Variants in ARMH3 observed in about 807,000 individuals in gnomAD.
ARMH3 encodes armadillo-like helical domain-containing protein 3.
ARMH3 carries 60 observed loss-of-function variants against 99.1 expected under a neutral mutation model. That is an observed-to-expected ratio of 0.61 (90% CI 0.49 to 0.75). The LOEUF is 0.75. Ranked by LOEUF, ARMH3 falls within the 30% of genes least tolerant of loss-of-function variation. ARMH3 has a pLI of 0.00. For missense variants in ARMH3, 679 were observed against 843.1 expected, an observed-to-expected ratio of 0.81 and a Z score of 2.41; for synonymous variants, 285 against 292.8, an observed-to-expected ratio of 0.97 and a Z score of 0.27.
At chr10:102,023,362 A>G in intron 8 of ARMH3, 115 bp downstream of exon 8, 1 of 902,450 alleles carries the variant, frequency 1.1e-6, no homozygotes, top group Non-Finnish European at 1.7e-6. Context: ...TATCAAAATT[A>G]ATCAATATAC....
intron 19 of ARMH3, among the ~76,000 whole-genome samples, chr10:101,988,967 T>C (rs1305767346): frequency 6.7e-6 from 1 of 148,726 alleles, no homozygotes; most frequent in Non-Finnish European, 1.5e-5. Flanking sequence ...GTCTACTCTA[T>C]TTAGACTGAA....
intron 22 of ARMH3, among the ~76,000 whole-genome samples, chr10:101,951,296 G>A (rs1202301712): frequency 6.6e-6 from 1 of 152,206 alleles, no homozygotes; most frequent in Non-Finnish European, 1.5e-5. Flanking sequence ...CTGGCTGGGT[G>A]CAGTGGCTCA....
chr10:101,864,060 CAAAAAAAA>C (rs71485765), intron 24 of ARMH3, among the ~76,000 whole-genome samples: 2 of 105,680 alleles, frequency 1.9e-5, no homozygotes, highest in South Asian at 3.3e-4. Context: ...GACTCCATCT[CAAAAAAAA>C]AAAAAAAAAA....
At chr10:101,904,011 T>C (rs2135510980) in intron 23 of ARMH3, among the ~76,000 whole-genome samples, 1 of 152,322 alleles carries the variant, frequency 6.6e-6, no homozygotes, top group African/African-American at 2.4e-5. Flanking sequence ...ATCTCAGCTG[T>C]GCCGTGCCCG....
intron 24 of ARMH3, among the ~76,000 whole-genome samples, chr10:101,850,422 C>CT (rs549822429): frequency 1.1e-3 from 145 of 134,532 alleles, no homozygotes; most frequent in East Asian, 3.5e-3. Flanking sequence ...CTCTCTCTCT[C>CT]TTTTTTTTTT....
At chr10:102,051,894 C>T (rs2067715784) in intron 1 of ARMH3, among the ~76,000 whole-genome samples, 1 of 152,100 alleles carries the variant, frequency 6.6e-6, no homozygotes, top group African/African-American at 2.4e-5. Flanking sequence ...ACCTTTGGTT[C>T]CCTTTCAAAT....
intron 23 of ARMH3, among the ~76,000 whole-genome samples, chr10:101,928,866 G>A (rs1461985770): frequency 1.3e-5 from 2 of 152,116 alleles, no homozygotes; most frequent in African/African-American, 4.8e-5. Flanking sequence ...GAGGAGCTGG[G>A]ATTACAAGCA....
intron 20 of ARMH3, among the ~76,000 whole-genome samples, chr10:101,966,096 T>G (rs12761383): frequency 6.6e-6 from 1 of 150,750 alleles, no homozygotes; most frequent in African/African-American, 2.4e-5. Context: ...TTTTTCTTTT[T>G]CTTTTCTTTT....
chr10:101,988,679 T>G (rs971416210), intron 19 of ARMH3, among the ~76,000 whole-genome samples: 2 of 152,114 alleles, frequency 1.3e-5, no homozygotes, highest in Non-Finnish European at 2.9e-5. Context: ...TCCCAGCACT[T>G]TGGGAAGCCA....
In ARMH3 at chr10:101,935,174, A is replaced by AATATATAT. The variant is rs5787448; in HGVS notation, c.1781+4681_1781+4688dup. 2.8e-3 allele frequency among the ~76,000 whole-genome samples: 327 copies of AATATATAT among 117,146 alleles called. 5 individuals carry two copies. Among genetic ancestry groups the AATATATAT allele is most frequent in the African/African-American group, 4.5e-3 (141 of 31,426 alleles). 76.9% of individuals were successfully genotyped at this position (117,146 alleles called of 152,430 possible). A position where few individuals can be genotyped will look rare whatever the true frequency, so the allele number is the denominator to read the frequency against. ...AGAAGCGGAATCTCAAAGGTGGAGC[A>AATATATAT]ATATATATATATATATATATATATA... On this transcript the variant is annotated intron_variant, in intron 23 of 25. Coordinates refer to ENST00000370033, the MANE Select transcript of ARMH3 (RefSeq NM_024541.3).
intron 23 of ARMH3, among the ~76,000 whole-genome samples, chr10:101,894,369 T>G (rs533533900): frequency 5.9e-5 from 9 of 152,292 alleles, no homozygotes; most frequent in Non-Finnish European, 1.3e-4. Context: ...TGGAAATATG[T>G]CCTGACATGG....
chr10:101,934,268 G>C (rs1162712116), intron 23 of ARMH3, among the ~76,000 whole-genome samples: 2 of 152,160 alleles, frequency 1.3e-5, no homozygotes, highest in Non-Finnish European at 2.9e-5. Flanking sequence ...ATGTATGAGG[G>C]GAAGAGTGTT....
intron 23 of ARMH3, among the ~76,000 whole-genome samples, chr10:101,935,407 G>C (rs1843920450): frequency 6.6e-6 from 1 of 152,002 alleles, no homozygotes; most frequent in Admixed American, 6.6e-5. Flanking sequence ...TGAAAGACAA[G>C]TGAAAAGCAA....
intron 24 of ARMH3, among the ~76,000 whole-genome samples, chr10:101,856,313 A>G (rs1468502485): frequency 6.6e-6 from 1 of 152,214 alleles, no homozygotes; most frequent in Non-Finnish European, 1.5e-5. Context: ...TTTGGCTGCT[A>G]TTTTGATTAC....
At chr10:101,894,115 C>T (rs1304450293) in intron 23 of ARMH3, among the ~76,000 whole-genome samples, 10 of 152,190 alleles carry the variant, frequency 6.6e-5, no homozygotes. Context: ...GTCTCTAACT[C>T]AGTACCCACA....
At chr10:101,986,047 CACACACACACACAA>C (rs1846485868) in intron 19 of ARMH3, among the ~76,000 whole-genome samples, 1 of 151,526 alleles carries the variant, frequency 6.6e-6, no homozygotes, top group Middle Eastern at 3.4e-3. Context: ...AAATAAAATA[CACACACACACACAA>C]ACACACACAC....
chr10:101,883,040 G>T (rs1330776393), intron 24 of ARMH3, among the ~76,000 whole-genome samples: 1 of 152,130 alleles, frequency 6.6e-6, no homozygotes, highest in Non-Finnish European at 1.5e-5. Flanking sequence ...AAGAAACTTC[G>T]TGGCAGACCT....
intron 1 of ARMH3, among the ~76,000 whole-genome samples, chr10:102,048,884 G>C (rs1028910913): frequency 2.6e-5 from 4 of 152,108 alleles, no homozygotes; most frequent in African/African-American, 9.7e-5. Flanking sequence ...CTCTCTGCAG[G>C]ACCTAACATA....
chr10:101,859,751 A>G (rs1461278352), intron 24 of ARMH3, among the ~76,000 whole-genome samples: 1 of 152,250 alleles, frequency 6.6e-6, no homozygotes, highest in African/African-American at 2.4e-5. Flanking sequence ...AGCCATTTTT[A>G]GCACTTGTTT....
Sources: allele counts gnomAD v4.1 joint callset (sites outside exome capture counted in the v4.1 genomes callset), GRCh38; gene constraint gnomAD v4.1.1; transcripts MANE v1.5; gene names NCBI Gene and HGNC (gene_info 2026-07-23, HGNC 2026-07-21).